Variants in PCDH15 observed in about 807,000 individuals in gnomAD.
PCDH15 encodes the protein protocadherin related 15.
PCDH15 carries 129 observed loss-of-function variants against 178.5 expected under a neutral mutation model. The ratio of observed to expected loss-of-function variants is 0.72; its 90% CI spans 0.63 to 0.84. The LOEUF is 0.84. Ranked by LOEUF, PCDH15 falls within the 40% of genes least tolerant of loss-of-function variation. The pLI is 0.00. For synonymous variants in PCDH15, 800 were observed against 732.0 expected, an observed-to-expected ratio of 1.09 and a Z score of -1.50; for missense variants, 2,230 against 2,099.9, an observed-to-expected ratio of 1.06 and a Z score of -1.21.
chr10:55,168,525 T>G (rs1180137614), intron 1 of PCDH15, among the ~76,000 whole-genome samples: 1 of 152,182 alleles, frequency 6.6e-6, no homozygotes, highest in African/African-American at 2.4e-5. Context: ...CCCTAGGGGT[T>G]CTGTACATTT....
In PCDH15 at chr10:55,151,785, T is replaced by C. The variant is rs374629230; in HGVS notation, c.-80+14791A>G. Among the ~76,000 whole-genome samples the C allele has an allele frequency of 9.7e-4, 148 of 152,166 alleles. 3 individuals carry two copies. In the South Asian group the frequency reaches 0.029, roughly 30 times the overall value. On this transcript the variant is annotated intron_variant, in intron 2 of 5. Coordinates refer to the PCDH15 transcript ENST00000458638. Reference sequence around the variant, plus strand: ...TTAATATTAAGATAATGTTAAGAACTGATGATATAAAGAATGAAAAGCCAT... The same window carrying C: ...TTAATATTAAGATAATGTTAAGAACCGATGATATAAAGAATGAAAAGCCAT...
At chr10:55,263,918 T>G (rs1012377337) in intron 1 of PCDH15, among the ~76,000 whole-genome samples, 1 of 151,938 alleles carries the variant, frequency 6.6e-6, no homozygotes, top group Non-Finnish European at 1.5e-5. Context: ...GTATTTTTAG[T>G]AAAGACGGGG....
intron 2 of PCDH15, among the ~76,000 whole-genome samples, chr10:54,979,380 A>C (rs1839159997): frequency 6.6e-6 from 1 of 152,052 alleles, no homozygotes; most frequent in Non-Finnish European, 1.5e-5. Context: ...AAAGAATTTT[A>C]TTTTCCTGCC....
chr10:55,240,671 T>G (rs189118840), intron 1 of PCDH15, among the ~76,000 whole-genome samples: 3 of 152,216 alleles, frequency 2.0e-5, no homozygotes, highest in Non-Finnish European at 4.4e-5. Flanking sequence ...TTTCTCTGTT[T>G]CTTACTGATG....
chr10:54,318,031 T>C (rs2133670356), intron 7 of PCDH15, among the ~76,000 whole-genome samples: 1 of 152,292 alleles, frequency 6.6e-6, no homozygotes, highest in Admixed American at 6.5e-5. Flanking sequence ...CATTAGAGCA[T>C]TTACTTTAGA....
At chr10:53,815,592 C>T (rs2076031455) in intron 35 of PCDH15, among the ~76,000 whole-genome samples, 2 of 152,094 alleles carry the variant, frequency 1.3e-5, no homozygotes, top group Middle Eastern at 3.4e-3. Flanking sequence ...TTAGCAAAGA[C>T]AGAATTCTGT....
intron 2 of PCDH15, among the ~76,000 whole-genome samples, chr10:54,581,211 A>G (rs888858087): frequency 6.6e-6 from 1 of 152,146 alleles, no homozygotes; most frequent in Non-Finnish European, 1.5e-5. Context: ...CTCTGCTGAA[A>G]GGCTCCTGAA....
intron 13 of PCDH15, among the ~76,000 whole-genome samples, chr10:54,168,852 A>G (rs1055182130): frequency 1.4e-4 from 21 of 152,030 alleles, no homozygotes; most frequent in African/African-American, 4.8e-4. Context: ...CTCAAACCCC[A>G]CAACAGGATT....
intron 3 of PCDH15, among the ~76,000 whole-genome samples, chr10:54,896,647 T>C (rs1169049327): frequency 1.3e-5 from 2 of 152,252 alleles, no homozygotes; most frequent in East Asian, 1.9e-4. Flanking sequence ...GCCTTGAAGA[T>C]TGACATTTAC....
At chr10:54,474,131 G>C (rs1331171599) in intron 3 of PCDH15, among the ~76,000 whole-genome samples, 1 of 151,828 alleles carries the variant, frequency 6.6e-6, no homozygotes, top group South Asian at 2.1e-4. Context: ...TAATGAATAT[G>C]CTATTTTTCT....
At position 53,831,352 on chromosome 10, in the gene PCDH15, T is replaced by C; in HGVS notation, c.4165A>G (p.Ile1389Val). 6.2e-7 allele frequency: 1 copy of C among 1,614,132 alleles called. No homozygotes were observed. Among genetic ancestry groups the C allele is most frequent in the Non-Finnish European group, 8.5e-7 (1 of 1,180,012 alleles). ...ACCAAAACCACCAAGATGGCAGGAA[T>C]GCAGCAGAGGATGATGATGAAGGCC... Reference protein sequence around the residue: ...ALAFIIILCCIPAILVVLVSY... With the variant: ...ALAFIIILCCVPAILVVLVSY... The change falls in exon 30 of 38, where the codon ATT becomes GTT. Residue 1389 changes from isoleucine (I) to valine (V), a missense_variant. Physicochemically the swap from Ile to Val is conservative, Grantham distance 29 (BLOSUM62 3). Coordinates refer to ENST00000644397, the MANE Select transcript of PCDH15 (RefSeq NM_001384140.1).
chr10:54,077,421 T>C (rs537950368), intron 17 of PCDH15, among the ~76,000 whole-genome samples: 3 of 152,222 alleles, frequency 2.0e-5, no homozygotes, highest in African/African-American at 7.2e-5. Context: ...TCCTTCCATC[T>C]GTTTCCTTGT....
At chr10:55,604,724 T>C (rs1276752423) in intron 2 of PCDH15, among the ~76,000 whole-genome samples, 1 of 138,642 alleles carries the variant, frequency 7.2e-6, no homozygotes, top group Non-Finnish European at 1.5e-5. Flanking sequence ...CATACCAGAA[T>C]CTCTGGGACG....
intron 2 of PCDH15, among the ~76,000 whole-genome samples, chr10:54,577,882 A>G (rs1056109211): frequency 2.2e-5 from 3 of 138,268 alleles, no homozygotes; most frequent in African/African-American, 7.8e-5. Context: ...AAATAAATAA[A>G]TAAATAAATA....
chr10:54,145,276 T>C (rs150004359), intron 14 of PCDH15, among the ~76,000 whole-genome samples: 63 of 152,174 alleles, frequency 4.1e-4, no homozygotes, highest in Non-Finnish European at 7.8e-4. Context: ...TATTATCTTA[T>C]TATTATTTTC....
chr10:53,852,601 T>C (rs1452571043), intron 28 of PCDH15, among the ~76,000 whole-genome samples: 1 of 152,122 alleles, frequency 6.6e-6, no homozygotes, highest in African/African-American at 2.4e-5. Context: ...ACTGCGGTCT[T>C]AGCTATCAAA....
Position 54,831,252 on chromosome 10 carries a change from A to C in PCDH15, c.-29+66198T>G, listed in dbSNP as rs889578484. 2.6e-5 allele frequency among the ~76,000 whole-genome samples: 4 copies of C among 152,192 alleles called. 1 individual carries two copies. Among genetic ancestry groups the C allele is most frequent in the African/African-American group, 9.6e-5 (4 of 41,552 alleles). On this transcript the variant is annotated intron_variant, in intron 3 of 5. Transcript: ENST00000458638. ...CATTTTTTCATGCTCTTAATATTTT[A>C]TTTTTTGTGATATTCATGGGAACAT...
At chr10:54,254,096 A>G (rs1042950370) in intron 8 of PCDH15, among the ~76,000 whole-genome samples, 3 of 152,086 alleles carry the variant, frequency 2.0e-5, no homozygotes, top group East Asian at 3.9e-4. Flanking sequence ...ATCCTAAAAG[A>G]TGTTGATTTC....
chr10:55,020,554 C>G (rs1840301060), intron 2 of PCDH15, among the ~76,000 whole-genome samples: 1 of 152,018 alleles, frequency 6.6e-6, no homozygotes, highest in Non-Finnish European at 1.5e-5. Flanking sequence ...TAATCTATTA[C>G]TACATTTTTT....
Sources: gnomAD v4.1 joint callset for allele counts (sites outside exome capture counted in the v4.1 genomes callset) on GRCh38, gnomAD v4.1.1 for gene constraint, MANE v1.5 for transcripts, NCBI Gene and HGNC (gene_info 2026-07-23, HGNC 2026-07-21) for gene names.